The following MTMR3 variants were observed in gnomAD, a reference collection of about 807,000 sequenced individuals.
MTMR3 encodes myotubularin related protein 3.
Under a neutral mutation model 132.4 loss-of-function variants are expected in MTMR3, and 32 were observed. That is an observed-to-expected ratio of 0.24 (90% confidence interval 0.18 to 0.32). The LOEUF is 0.32. Among genes scored for constraint, MTMR3 ranks in the 10% least tolerant of loss-of-function variants. MTMR3 has a pLI of 1.00. For synonymous variants in MTMR3, 556 were observed against 550.3 expected (o/e 1.01, Z -0.14); for missense variants, 1,216 against 1,489.6 (o/e 0.82, Z 3.02).
chr22:29,986,929 TG>T (rs2066870989), intron 5 of MTMR3: 1 of 152,168 alleles, frequency 6.6e-6, no homozygotes. Context: ...TTAGTAGAGA[TG>T]GGGTTTCTCC....
chr22:29,978,581 T>A, intron 4 of MTMR3, 50 bp downstream of exon 4: 1 of 1,417,016 alleles, frequency 7.1e-7, no homozygotes, highest in Non-Finnish European at 9.9e-7. Flanking sequence ...GCATTAACTG[T>A]ATAGCAGAGT....
intron 1 of MTMR3, among the ~76,000 whole-genome samples, chr22:29,908,519 C>T (rs1602449010): frequency 6.6e-6 from 1 of 152,152 alleles, no homozygotes; most frequent in Non-Finnish European, 1.5e-5. Flanking sequence ...AGAGTGATTG[C>T]AGCTCTGTTT....
rs113423220 is a variant in MTMR3 at position 29,935,171 on chromosome 22, C to T, written c.-137-21865C>T. The stretch of plus-strand genomic sequence containing the variant: ...TTCTATTTCTTTTGAGAGGTAAATA[C>T]AGCTTGTACTATAGTATTTGATCAA... On this transcript the variant is annotated intron_variant, in intron 1 of 19. Transcript: ENST00000401950. Among the ~76,000 whole-genome samples, 684 of 152,246 alleles carry T rather than the reference C, an allele frequency of 4.5e-3. 5 individuals carry two copies. The highest frequency in any genetic ancestry group is 0.015 in the African/African-American group (639 of 41,538).
At position 29,906,245 on chromosome 22, in the gene MTMR3, CGTCTGTCTGTCTGTCTGTCT is replaced by C. The variant is rs57375920; in HGVS notation, c.-138+22911_-138+22930del. Among the ~76,000 whole-genome samples, 189 of 107,150 alleles carry C rather than the reference CGTCTGTCTGTCTGTCTGTCT, an allele frequency of 1.8e-3. No individual in the cohort carries two copies. The East Asian group carries it at 0.047, about 26-fold the overall frequency. 70.3% of individuals were successfully genotyped at this position (107,150 alleles called of 152,430 possible). A position where few individuals can be genotyped will look rare whatever the true frequency, so the allele number is the denominator to read the frequency against. On this transcript the variant is annotated intron_variant, in intron 1 of 19. Transcript: ENST00000401950. The stretch of plus-strand genomic sequence containing the variant: ...TTTGTCTCACATTTATCCATCCATC[CGTCTGTCTGTCTGTCTGTCT>C]GTCTGTCTGTCTGTCTGTCTGTCTA...
At chr22:29,951,407 A>G (rs1412090441) in intron 1 of MTMR3, among the ~76,000 whole-genome samples, 1 of 152,202 alleles carries the variant, frequency 6.6e-6, no homozygotes. Flanking sequence ...AAGGGTAACA[A>G]TGAAATTTGT....
At chr22:29,942,478 G>C (rs541578424) in intron 1 of MTMR3, among the ~76,000 whole-genome samples, 4 of 152,300 alleles carry the variant, frequency 2.6e-5, no homozygotes, top group African/African-American at 9.6e-5. Flanking sequence ...CAGGAGACAG[G>C]GTTTGAGAGC....
chr22:29,915,002 T>G (rs2065281786), intron 1 of MTMR3, among the ~76,000 whole-genome samples: 1 of 152,218 alleles, frequency 6.6e-6, no homozygotes, highest in African/African-American at 2.4e-5. Context: ...GAGAACATAC[T>G]CTATAGGATT....
chr22:29,907,155 C>T (rs1242937180), intron 1 of MTMR3, among the ~76,000 whole-genome samples: 3 of 151,866 alleles, frequency 2.0e-5, no homozygotes, highest in Non-Finnish European at 4.4e-5. Flanking sequence ...AATCCCAGCA[C>T]TTTGGGAGGC....
chr22:29,943,416 A>G (rs949050959), intron 1 of MTMR3, among the ~76,000 whole-genome samples: 1 of 151,970 alleles, frequency 6.6e-6, no homozygotes, highest in Admixed American at 6.6e-5. Flanking sequence ...GATGGTCTCG[A>G]TCTGACCTCG....
At chr22:30,007,749 AAG>A in intron 10 of MTMR3, 150 bp from the exon 11 acceptor site, 2 of 912,070 alleles carry the variant, frequency 2.2e-6, no homozygotes. Flanking sequence ...CATAGAAAAA[AAG>A]AGAAAAATCC....
chr22:30,013,633 C>T (rs1447171588), intron 14 of MTMR3, 92 bp downstream of exon 14: 1 of 1,199,048 alleles, frequency 8.3e-7, no homozygotes, highest in Non-Finnish European at 1.1e-6. Flanking sequence ...TGTGCTGCCT[C>T]TTCAGAATTT....
intron 1 of MTMR3, among the ~76,000 whole-genome samples, chr22:29,914,919 A>G (rs531798094): frequency 3.9e-4 from 59 of 152,290 alleles, no homozygotes; most frequent in African/African-American, 1.4e-3. Flanking sequence ...TTTTTGGCCT[A>G]TGAATTATAA....
intron 1 of MTMR3, among the ~76,000 whole-genome samples, chr22:29,889,502 G>A (rs1002390258): frequency 1.3e-5 from 2 of 151,768 alleles, no homozygotes; most frequent in African/African-American, 4.8e-5. Context: ...GGCCAGGCTG[G>A]TTTCGAACTC....
chr22:29,905,008 C>T (rs898740091), intron 1 of MTMR3, among the ~76,000 whole-genome samples: 5 of 152,132 alleles, frequency 3.3e-5, no homozygotes, highest in Admixed American at 2.6e-4. Flanking sequence ...TTTAAACATA[C>T]CAATTTGCTA....
chr22:29,944,563 C>A lies in MTMR3; in HGVS notation c.-137-12473C>A, dbSNP rs2065919588. 3.9e-5 allele frequency among the ~76,000 whole-genome samples: 6 copies of A among 152,128 alleles called. No homozygotes were observed. The South Asian group carries it at 1.0e-3, about 26-fold the overall frequency. ...GTATTTGTGGACTTCCAAACAAATTCTTTTATCCTCAGGACATATGTAGCT... is the reference window on the plus strand; with the variant it reads ...GTATTTGTGGACTTCCAAACAAATTATTTTATCCTCAGGACATATGTAGCT... On this transcript the variant is annotated intron_variant, in intron 1 of 19. Transcript: ENST00000401950.
intron 1 of MTMR3, among the ~76,000 whole-genome samples, chr22:29,942,477 G>A (rs1377888394): frequency 4.6e-5 from 7 of 152,212 alleles, no homozygotes; most frequent in Non-Finnish European, 1.0e-4. Context: ...TCAGGAGACA[G>A]GGTTTGAGAG....
At position 29,998,865 on chromosome 22, in the gene MTMR3, A is replaced by C. The variant is rs1435219454; in HGVS notation, c.557+8A>C. 1 of 1,599,304 alleles carries C rather than the reference A, an allele frequency of 6.3e-7. No homozygotes were observed. The highest frequency in any genetic ancestry group is 8.5e-7 in the Non-Finnish European group (1 of 1,170,034). On this transcript the variant is annotated splice_region_variant and intron_variant, in intron 8 of 19. Transcript: ENST00000401950. ...CATCAATGAGAAGTACAAGTGAGTT[A>C]TATGGGTCCCTGTGGACTGTTTCAC... is the stretch of plus-strand genomic sequence containing the variant.
At chr22:29,942,692 G>A (rs891906719) in intron 1 of MTMR3, among the ~76,000 whole-genome samples, 1 of 152,202 alleles carries the variant, frequency 6.6e-6, no homozygotes. Flanking sequence ...AAAGAATTCA[G>A]CGATATTTCT....
At chr22:29,989,567 A>G (rs1405022873) in intron 6 of MTMR3, 1 of 152,070 alleles carries the variant, frequency 6.6e-6, no homozygotes, top group East Asian at 1.9e-4. Flanking sequence ...CTTTTATGAC[A>G]TTCACATTTT....
Sources: allele counts gnomAD v4.1 joint callset (sites outside exome capture counted in the v4.1 genomes callset), GRCh38; gene constraint gnomAD v4.1.1; transcripts MANE v1.5; gene names NCBI Gene and HGNC (gene_info 2026-07-23, HGNC 2026-07-21).